Variants in DPP6 observed in about 807,000 individuals in gnomAD.
DPP6 encodes A-type potassium channel modulatory protein DPP6.
DPP6 carries 69 observed loss-of-function variants against 122.6 expected under a neutral mutation model. The ratio of observed to expected loss-of-function variants is 0.56; its 90% CI spans 0.46 to 0.69. The LOEUF is 0.69. Among genes scored for constraint, DPP6 ranks in the 30% least tolerant of loss-of-function variants. The pLI, the probability that DPP6 is intolerant of heterozygous loss-of-function variation, is 0.00. For missense variants in DPP6, 928 were observed against 1,116.9 expected (o/e 0.83, Z 2.41); for synonymous variants, 418 against 433.1 (o/e 0.97, Z 0.43).
chr7:154,765,364 A>T (rs73728226), intron 8 of DPP6, among the ~76,000 whole-genome samples: 2,395 of 152,268 alleles, frequency 0.016, 64 homozygotes, highest in African/African-American at 0.054. Flanking sequence ...CAACAGTCCA[A>T]TGGAGTCCCC....
intron 1 of DPP6, among the ~76,000 whole-genome samples, chr7:154,015,455 C>T (rs1798357100): frequency 1.3e-5 from 2 of 152,184 alleles, no homozygotes; most frequent in South Asian, 4.2e-4. Flanking sequence ...ACTGCAAACT[C>T]AGTTTTCAAA....
chr7:154,007,524 C>T (rs1418528323), intron 1 of DPP6, among the ~76,000 whole-genome samples: 4 of 152,132 alleles, frequency 2.6e-5, no homozygotes, highest in Admixed American at 6.5e-5. Context: ...TGTTTTAGTT[C>T]TCCCAACAAC....
chr7:154,448,987 A>G (rs1216519931), intron 2 of DPP6, among the ~76,000 whole-genome samples: 1 of 152,232 alleles, frequency 6.6e-6, no homozygotes, highest in Non-Finnish European at 1.5e-5. Context: ...ACATAGGGAT[A>G]AATCTTTGTG....
intron 1 of DPP6, among the ~76,000 whole-genome samples, chr7:154,283,955 C>T (rs1037488747): frequency 5.3e-5 from 8 of 152,188 alleles, no homozygotes; most frequent in Admixed American, 4.6e-4. Context: ...AAAAATTATA[C>T]ATCATGCCGT....
At chr7:153,907,849 G>A (rs535832460) in intron 1 of DPP6, among the ~76,000 whole-genome samples, 6 of 152,188 alleles carry the variant, frequency 3.9e-5, no homozygotes, top group East Asian at 1.9e-4. Context: ...GTATGTGTAC[G>A]TCCTATTCCT....
chr7:154,060,813 C>T (rs1470823279), intron 1 of DPP6, among the ~76,000 whole-genome samples: 4 of 132,998 alleles, frequency 3.0e-5, no homozygotes, highest in Admixed American at 7.2e-5. Context: ...ACGCACCCCC[C>T]ATGAGGCAGG....
At chr7:154,013,563 T>A (rs1021424139) in intron 1 of DPP6, among the ~76,000 whole-genome samples, 1 of 151,910 alleles carries the variant, frequency 6.6e-6, no homozygotes, top group African/African-American at 2.4e-5. Flanking sequence ...TGTGTTTACT[T>A]CATATCTTTC....
chr7:153,998,804 T>C (rs1357030737), intron 1 of DPP6, among the ~76,000 whole-genome samples: 1 of 152,268 alleles, frequency 6.6e-6, no homozygotes, highest in Non-Finnish European at 1.5e-5. Context: ...GACATGAGTC[T>C]ATGAAGAATG....
chr7:153,836,444 TAGCC>T, the DPP6 span, among the ~76,000 whole-genome samples: 12 of 152,288 alleles, frequency 7.9e-5, no homozygotes, highest in African/African-American at 2.6e-4. Context: ...GATTTTAAAA[TAGCC>T]AGGGAAAAGT....
chr7:154,282,565 A>G lies in DPP6; in HGVS notation c.244-163649A>G, dbSNP rs1466505054. ...TGTTAGACTCAATGGTGGGAAGGGGATGGGATGCAGCCCAGGGCCTCCCTG... is the reference window on the plus strand; with the variant it reads ...TGTTAGACTCAATGGTGGGAAGGGGGTGGGATGCAGCCCAGGGCCTCCCTG... On this transcript the variant is annotated intron_variant, in intron 1 of 25. Transcript: ENST00000377770. The surrounding 1 kb of genome is among the most constrained non-coding windows in gnomAD (Gnocchi z 4.8). Among the ~76,000 whole-genome samples, 1 of 152,140 alleles carries G rather than the reference A, an allele frequency of 6.6e-6. No individual in the cohort carries two copies. The highest frequency in any genetic ancestry group is 2.4e-5 in the African/African-American group (1 of 41,436).
intron 1 of DPP6, among the ~76,000 whole-genome samples, chr7:154,201,606 G>A (rs544073250): frequency 3.9e-5 from 6 of 152,282 alleles, no homozygotes; most frequent in South Asian, 2.1e-4. Context: ...GTCCCACGCC[G>A]GACTGTGGAG....
intron 1 of DPP6, among the ~76,000 whole-genome samples, chr7:154,384,737 C>CT (rs757829890): frequency 0.037 from 2,720 of 74,348 alleles, 85 homozygotes; most frequent in African/African-American, 0.073. Context: ...TTCTTTCTTT[C>CT]TTTTATTTTT....
At chr7:154,402,639 C>T (rs1437411999) in intron 1 of DPP6, among the ~76,000 whole-genome samples, 2 of 148,080 alleles carry the variant, frequency 1.4e-5, no homozygotes, top group East Asian at 4.0e-4. Context: ...GGGAGATATA[C>T]CTAATGCTAG....
chr7:154,248,728 T>C (rs1390506071), intron 1 of DPP6, among the ~76,000 whole-genome samples: 4 of 152,078 alleles, frequency 2.6e-5, no homozygotes, highest in Non-Finnish European at 5.9e-5. Flanking sequence ...TAGCCGGATG[T>C]GGTGGTGTGC....
intron 1 of DPP6, among the ~76,000 whole-genome samples, chr7:154,166,681 C>G (rs1284255390): frequency 2.1e-5 from 3 of 142,282 alleles, no homozygotes; most frequent in Non-Finnish European, 4.5e-5. Flanking sequence ...GAGGCTGAGG[C>G]AGGTGGATCA....
At chr7:154,337,820 A>G (rs987291266) in intron 1 of DPP6, among the ~76,000 whole-genome samples, 1 of 152,208 alleles carries the variant, frequency 6.6e-6, no homozygotes, top group Non-Finnish European at 1.5e-5. Flanking sequence ...TTTAAGCACC[A>G]GCTCTAAGGT....
At chr7:153,875,523 A>G in the DPP6 span, among the ~76,000 whole-genome samples, 1 of 152,094 alleles carries the variant, frequency 6.6e-6, no homozygotes, top group Non-Finnish European at 1.5e-5. Flanking sequence ...AGCACAAAAG[A>G]CAGGACTTTG....
chr7:153,966,811 A>C (rs1795765016), intron 1 of DPP6, among the ~76,000 whole-genome samples: 1 of 151,506 alleles, frequency 6.6e-6, no homozygotes, highest in East Asian at 2.0e-4. Context: ...TCATGCCTGT[A>C]ATCCCAGCAC....
intron 7 of DPP6, among the ~76,000 whole-genome samples, chr7:154,706,134 A>G (rs1234149562): frequency 1.3e-5 from 2 of 152,190 alleles, no homozygotes; most frequent in East Asian, 1.9e-4. Context: ...ACACAAAAGC[A>G]TGGAGTCAGG....
Sources: allele counts gnomAD v4.1 joint callset (sites outside exome capture counted in the v4.1 genomes callset), GRCh38; gene constraint gnomAD v4.1.1; non-coding constraint Gnocchi (gnomAD v3.1); transcripts MANE v1.5; gene names NCBI Gene and HGNC (gene_info 2026-07-23, HGNC 2026-07-21).